The following CAPN7 variants were observed in gnomAD, a reference collection of about 807,000 sequenced individuals.
The protein encoded by CAPN7 is calpain 7.
In CAPN7, 72 loss-of-function variants were observed where a neutral mutation model predicts 115.2. That is an observed-to-expected ratio of 0.63 (90% CI 0.52 to 0.76). The LOEUF is 0.76. Among genes scored for constraint, CAPN7 ranks in the 30% least tolerant of loss-of-function variants. The pLI is 0.00. For synonymous variants in CAPN7, 344 were observed against 322.3 expected, an observed-to-expected ratio of 1.07 and a Z score of -0.72; for missense variants, 905 against 971.5, an observed-to-expected ratio of 0.93 and a Z score of 0.91.
intron 6 of CAPN7, among the ~76,000 whole-genome samples, chr3:15,224,604 A>G (rs975953668): frequency 7.0e-5 from 10 of 143,290 alleles, no homozygotes; most frequent in African/African-American, 3.0e-4. Flanking sequence ...TTATAGATGC[A>G]TAGAAAAAAA....
At chr3:15,237,400 C>T (rs1695055893) in intron 12 of CAPN7, among the ~76,000 whole-genome samples, 2 of 152,070 alleles carry the variant, frequency 1.3e-5, no homozygotes, top group Non-Finnish European at 2.9e-5. Context: ...TGTAGTTCAT[C>T]GCTGTCTTAA....
chr3:15,234,802 G>C (rs1035472269), intron 11 of CAPN7, among the ~76,000 whole-genome samples: 2 of 151,762 alleles, frequency 1.3e-5, no homozygotes, highest in Admixed American at 1.3e-4. Flanking sequence ...TCCTTCTTTG[G>C]TAGGTTTCTG....
chr3:15,228,025 T>G, intron 7 of CAPN7, 60 bp downstream of exon 7: 1 of 1,280,428 alleles, frequency 7.8e-7, no homozygotes, highest in Admixed American at 3.0e-5. Context: ...AATTTGTGTA[T>G]AGATTTGAGT....
At chr3:15,229,561 CTTTTTTTTT>C (rs566957976) in intron 8 of CAPN7, among the ~76,000 whole-genome samples, 5,125 of 87,886 alleles carry the variant, frequency 0.058, 359 homozygotes, top group African/African-American at 0.19. Context: ...TACTTTTTTT[CTTTTTTTTT>C]TTTTTTTTTT....
At chr3:15,248,794 G>A (rs747061783) in intron 19 of CAPN7, among the ~76,000 whole-genome samples, 2 of 151,884 alleles carry the variant, frequency 1.3e-5, no homozygotes, top group Non-Finnish European at 2.9e-5. Context: ...TTCAAGACCC[G>A]CCTGAGCAAC....
At chr3:15,250,792 C>A (rs1366173922) in intron 19 of CAPN7, 139 bp from the exon 20 acceptor site, 1 of 610,278 alleles carries the variant, frequency 1.6e-6, no homozygotes, top group South Asian at 2.3e-5. Flanking sequence ...GTGTTATGAT[C>A]AAAAATAGAG....
At chr3:15,230,325 C>T in intron 8 of CAPN7, 117 bp from the exon 9 acceptor site, 1 of 536,612 alleles carries the variant, frequency 1.9e-6, no homozygotes, top group Non-Finnish European at 3.4e-6. Context: ...AAATATTCTC[C>T]TGTTTGTTTT....
intron 5 of CAPN7, among the ~76,000 whole-genome samples, chr3:15,222,791 A>G (rs1382829646): frequency 6.6e-6 from 1 of 152,238 alleles, no homozygotes; most frequent in Non-Finnish European, 1.5e-5. Flanking sequence ...ATAAGGCTGT[A>G]CATAGTCCCA....
intron 1 of CAPN7, among the ~76,000 whole-genome samples, chr3:15,207,555 A>G (rs1369799116): frequency 1.3e-5 from 2 of 151,888 alleles, no homozygotes; most frequent in African/African-American, 4.8e-5. Flanking sequence ...TAACTTTTTA[A>G]CTCTTTTGTA....
Position 15,244,254 on chromosome 3 carries a change from G to A in CAPN7, c.1865-1272G>A, listed in dbSNP as rs562818204. Among the ~76,000 whole-genome samples the A allele has an allele frequency of 8.5e-5, 13 of 152,294 alleles. No individual in the cohort carries two copies. The East Asian group carries it at 1.7e-3, about 20-fold the overall frequency. On this transcript the variant is annotated intron_variant, in intron 16 of 20. Transcript: ENST00000253693. ...GAGTCTTGCTAGTCAATATCCCTGCGTTCTGGAATGGGCATGGCACATAGT... is the reference window on the plus strand; with the variant it reads ...GAGTCTTGCTAGTCAATATCCCTGCATTCTGGAATGGGCATGGCACATAGT...
chr3:15,230,117 C>T (rs1462400149), intron 8 of CAPN7, among the ~76,000 whole-genome samples: 1 of 152,070 alleles, frequency 6.6e-6, no homozygotes, highest in Admixed American at 6.5e-5. Context: ...TTCTTAGGGC[C>T]AGTGGTAAAA....
At position 15,218,498 on chromosome 3, in the gene CAPN7, T is replaced by C. The variant is rs1400125092; in HGVS notation, c.395T>C (p.Leu132Pro). 1.2e-6 allele frequency: 2 copies of C among 1,613,276 alleles called. No individual in the cohort carries two copies. The highest frequency in any genetic ancestry group is 1.7e-6 in the Non-Finnish European group (2 of 1,179,228). The change falls in exon 4 of 21, where the codon CTG becomes CCG. Residue 132 changes from leucine (L) to proline (P), a missense_variant. By Grantham distance (98) the Leu-to-Pro change is moderately conservative. Around this residue, in one of 3 missense-constraint regions of CAPN7, gnomAD observed 271 missense variants for 239.6 expected, o/e 1.13. Transcript: ENST00000253693. ...KTSYETADKV[L>P]QNKLKQLARQ... The stretch of plus-strand genomic sequence containing the variant: ...TCTTATGAAACTGCTGATAAAGTCC[T>C]GCAAAATAAACTGAAACAGTTGGCT...
chr3:15,208,848 G>A (rs1431843024), intron 1 of CAPN7, among the ~76,000 whole-genome samples: 1 of 152,088 alleles, frequency 6.6e-6, no homozygotes, highest in African/African-American at 2.4e-5. Context: ...AGCTAGATTT[G>A]GAGGGAGCTG....
intron 1 of CAPN7, among the ~76,000 whole-genome samples, chr3:15,208,197 G>A (rs1023709085): frequency 1.4e-5 from 2 of 147,240 alleles, no homozygotes; most frequent in African/African-American, 5.0e-5. Context: ...TTTTTTATGC[G>A]TATGTGTATA....
At chr3:15,225,915 A>G (rs1037679381) in intron 6 of CAPN7, among the ~76,000 whole-genome samples, 4 of 152,168 alleles carry the variant, frequency 2.6e-5, no homozygotes, top group Non-Finnish European at 5.9e-5. Flanking sequence ...GCAACAGTAA[A>G]TGTTTTTAAG....
chr3:15,206,464 C>T lies in CAPN7; in HGVS notation c.-32C>T. The T allele has an allele frequency of 6.6e-7, 1 of 1,508,698 alleles. No homozygotes were observed. The highest frequency in any genetic ancestry group is 9.0e-7 in the Non-Finnish European group (1 of 1,115,916). The allele number at this position is 1,508,698 out of a possible 1,614,324, so 93.5% of individuals were successfully genotyped here. ...GAAGAGCCGTCCTGCGTCAGGGCCTCCTTCCCTGCCCCGGCGCGGGGCCAC... is the reference window on the plus strand; with the variant it reads ...GAAGAGCCGTCCTGCGTCAGGGCCTTCTTCCCTGCCCCGGCGCGGGGCCAC... On this transcript the variant is annotated 5_prime_UTR_variant, in exon 1 of 21. Transcript: ENST00000253693.
At chr3:15,250,799 AGAGT>A in intron 19 of CAPN7, 128 bp from the exon 20 acceptor site, 2 of 629,358 alleles carry the variant, frequency 3.2e-6, no homozygotes, top group East Asian at 2.7e-5. Flanking sequence ...GATCAAAAAT[AGAGT>A]GTGTATGTTT....
At chr3:15,232,703 GCTAT>G (rs1366002852) in intron 10 of CAPN7, 38 bp downstream of exon 10, 2 of 1,543,874 alleles carry the variant, frequency 1.3e-6, no homozygotes, top group African/African-American at 2.8e-5. Context: ...ACAGATTTAA[GCTAT>G]CTAATATAAC....
rs567813218 is a variant in CAPN7 at position 15,248,166 on chromosome 3, AAAGTAT to A, written c.2204+712_2204+717del. On this transcript the variant is annotated intron_variant, in intron 19 of 20. Transcript: ENST00000253693. Reference sequence around the variant, plus strand: ...AATGTGCACATGTACCCTAAAACTTAAAGTATAATAAAAAAATAAATAAATAAATAA... The same window carrying A: ...AATGTGCACATGTACCCTAAAACTTAAATAAAAAAATAAATAAATAAATAA... Among the ~76,000 whole-genome samples, 3 of 152,164 alleles carry A rather than the reference AAAGTAT, an allele frequency of 2.0e-5. No individual in the cohort carries two copies. In the East Asian group the frequency reaches 5.8e-4, roughly 29 times the overall value.
Sources: gnomAD v4.1 joint callset for allele counts (sites outside exome capture counted in the v4.1 genomes callset) on GRCh38, gnomAD v4.1.1 for gene constraint, gnomAD v4.1.1 regional missense constraint, MANE v1.5 for transcripts, NCBI Gene and HGNC (gene_info 2026-07-23, HGNC 2026-07-21) for gene names.